Variants in FSTL5 observed in about 807,000 individuals in gnomAD.
FSTL5 encodes follistatin-related protein 5.
FSTL5 carries 62 observed loss-of-function variants against 89.1 expected under a neutral mutation model. The ratio of observed to expected loss-of-function variants is 0.70; its 90% confidence interval spans 0.57 to 0.86. The LOEUF (loss-of-function observed/expected upper bound fraction) is 0.86. Among genes scored for constraint, FSTL5 ranks in the 40% least tolerant of loss-of-function variants. The probability of loss-of-function intolerance (pLI) is 0.00; values close to 1 mark genes in which losing one functional copy is unlikely to be tolerated. For synonymous variants in FSTL5, 383 were observed against 346.2 expected (o/e 1.11, Z -1.18); for missense variants, 1,057 against 1,001.6 (o/e 1.06, Z -0.75).
intron 15 of FSTL5, among the ~76,000 whole-genome samples, chr4:161,402,636 T>C (rs1731220636): frequency 6.6e-6 from 1 of 152,190 alleles, no homozygotes; most frequent in African/African-American, 2.4e-5. Context: ...TGTTAGGTCC[T>C]TGGACTTGGT....
intron 1 of FSTL5, among the ~76,000 whole-genome samples, chr4:162,131,156 A>G (rs1354902191): frequency 6.6e-6 from 1 of 152,126 alleles, no homozygotes; most frequent in African/African-American, 2.4e-5. Context: ...ACTTAAGAAT[A>G]TATTTAAAGC....
rs76765455 is a variant in FSTL5, at chr4:161,714,535, T to C, written c.727+44876A>G. 1.4e-3 allele frequency among the ~76,000 whole-genome samples: 207 copies of C among 152,280 alleles called. 3 individuals are homozygous for C. In the East Asian group the frequency reaches 0.032, roughly 23 times the overall value. On this transcript the variant is annotated intron_variant, in intron 6 of 15. Transcript: ENST00000306100. ...CAAATCTAATCCATTAGCCTCTATC[T>C]TGTAATGAATGTTCACTCTCTAAGC...
rs116473325 is a variant in FSTL5 at position 162,065,902 on chromosome 4, C to T, written c.127-32244G>A. 6.8e-3 allele frequency among the ~76,000 whole-genome samples: 1,028 copies of T among 151,986 alleles called. 12 individuals are homozygous for T. The highest frequency in any genetic ancestry group is 0.023 in the African/African-American group (970 of 41,488). ...TTAACTTTGTCTGAGAGTGACTTTG[C>T]TAATCCAACTTTTAAAAAAAGTAGG... On this transcript the variant is annotated intron_variant, in intron 2 of 15. Transcript: ENST00000306100.
intron 1 of FSTL5, among the ~76,000 whole-genome samples, chr4:162,135,125 T>G (rs1345028366): frequency 6.6e-6 from 1 of 152,186 alleles, no homozygotes; most frequent in Non-Finnish European, 1.5e-5. Context: ...ATTAGCTCAT[T>G]ATGGAGCCAG....
intron 7 of FSTL5, among the ~76,000 whole-genome samples, chr4:161,598,163 T>C (rs1354619022): frequency 6.6e-6 from 1 of 151,130 alleles, no homozygotes; most frequent in African/African-American, 2.4e-5. Flanking sequence ...CAAACTGAAG[T>C]CAGGAGTTTG....
chr4:162,091,230 A>G (rs919094879), intron 2 of FSTL5, among the ~76,000 whole-genome samples: 10 of 152,168 alleles, frequency 6.6e-5, no homozygotes, highest in African/African-American at 2.4e-4. Flanking sequence ...GCACTCTGCA[A>G]TTACCTCAAG....
intron 6 of FSTL5, among the ~76,000 whole-genome samples, chr4:161,698,131 T>A (rs891294918): frequency 2.6e-5 from 4 of 151,956 alleles, no homozygotes; most frequent in Non-Finnish European, 5.9e-5. Context: ...CCTGGAGAGC[T>A]CCCTCACCCC....
At chr4:161,992,918 A>G (rs1300975235) in intron 3 of FSTL5, among the ~76,000 whole-genome samples, 22 of 9,574 alleles carry the variant, frequency 2.3e-3, no homozygotes, top group East Asian at 8.5e-3. Flanking sequence ...ATATATATAT[A>G]TATATATGTG....
intron 7 of FSTL5, among the ~76,000 whole-genome samples, chr4:161,604,200 A>G (rs1358081466): frequency 6.6e-6 from 1 of 152,040 alleles, no homozygotes; most frequent in Non-Finnish European, 1.5e-5. Flanking sequence ...CAGTTCTCTT[A>G]ATAGATATTT....
intron 7 of FSTL5, among the ~76,000 whole-genome samples, chr4:161,611,899 A>G (rs36092861): frequency 0.17 from 26,122 of 152,166 alleles, 2,740 homozygotes; most frequent in Non-Finnish European, 0.21. Flanking sequence ...GAGCTGCTGT[A>G]GTTAAAACTG....
intron 10 of FSTL5, among the ~76,000 whole-genome samples, chr4:161,535,799 C>T (rs1266670684): frequency 1.3e-5 from 2 of 152,098 alleles, no homozygotes; most frequent in South Asian, 2.1e-4. Context: ...ATGTTTGTTG[C>T]AGCACTATTC....
At chr4:161,557,721 T>C (rs1372824785) in intron 8 of FSTL5, among the ~76,000 whole-genome samples, 2 of 151,772 alleles carry the variant, frequency 1.3e-5, no homozygotes, top group East Asian at 3.9e-4. Context: ...CATACTATCA[T>C]ACTGTGAAAT....
chr4:161,457,845 A>C (rs554689227), intron 14 of FSTL5, among the ~76,000 whole-genome samples: 1 of 152,320 alleles, frequency 6.6e-6, no homozygotes, highest in East Asian at 1.9e-4. Flanking sequence ...TGATTCTAAA[A>C]GTTGCCCACT....
chr4:161,571,227 A>G (rs1444774334), intron 8 of FSTL5, among the ~76,000 whole-genome samples: 1 of 152,134 alleles, frequency 6.6e-6, no homozygotes, highest in East Asian at 1.9e-4. Flanking sequence ...TAATGGGAGA[A>G]AAGCCCCTAG....
chr4:161,993,077 T>C (rs1332225511), intron 3 of FSTL5, among the ~76,000 whole-genome samples: 1 of 150,354 alleles, frequency 6.7e-6, no homozygotes, highest in Admixed American at 6.7e-5. Context: ...TTATTTGATA[T>C]TGAATGGTCA....
chr4:161,386,171 A>T lies in FSTL5; in HGVS notation c.2120T>A (p.Val707Asp). 6.2e-7 allele frequency: 1 copy of T among 1,614,074 alleles called. No homozygotes were observed. The highest frequency in any genetic ancestry group is 8.5e-7 in the Non-Finnish European group (1 of 1,179,990). The change falls in exon 16 of 16, where the codon GTC (valine) becomes GAC (aspartate). Residue 707 changes from valine to aspartate, a missense_variant. This residue lies in a region of FSTL5 where 980 missense variants were observed against 903.2 expected (regional missense o/e 1.08). Transcript: ENST00000306100. ...AAGACCTTTCACATCATTAATGCTG[A>T]CAAGGTAGTGGCCATCTGGAGAGAC... ...PYVSPDGHYL[V>D]SINDVKGLVR...
At chr4:162,109,292 G>C (rs1406981921) in intron 2 of FSTL5, among the ~76,000 whole-genome samples, 1 of 151,942 alleles carries the variant, frequency 6.6e-6, no homozygotes, top group African/African-American at 2.4e-5. Flanking sequence ...GTGTAAGATG[G>C]GGTTTTTACA....
intron 6 of FSTL5, among the ~76,000 whole-genome samples, chr4:161,697,238 T>C (rs895823179): frequency 2.0e-5 from 3 of 152,114 alleles, no homozygotes; most frequent in Non-Finnish European, 4.4e-5. Flanking sequence ...AATACCAAAA[T>C]TCCTCAAAAT....
At chr4:161,503,918 T>C (rs1378566025) in intron 11 of FSTL5, among the ~76,000 whole-genome samples, 1 of 151,874 alleles carries the variant, frequency 6.6e-6, no homozygotes, top group Non-Finnish European at 1.5e-5. Context: ...ACTACTAAGA[T>C]GTCATTCACA....
Sources: allele counts gnomAD v4.1 joint callset (sites outside exome capture counted in the v4.1 genomes callset), GRCh38; gene constraint gnomAD v4.1.1; regional missense constraint gnomAD v4.1.1; transcripts MANE v1.5; gene names NCBI Gene and HGNC (gene_info 2026-07-23, HGNC 2026-07-21).